OR6N1: variants seen among roughly 807,000 people sequenced by gnomAD.
OR6N1 encodes the protein olfactory receptor family 6 subfamily N member 1.
For missense variants in OR6N1, 394 were observed against 371.7 expected, an observed-to-expected ratio of 1.06 and a Z score of -0.49; for synonymous variants, 170 against 150.7, an observed-to-expected ratio of 1.13 and a Z score of -0.94.
the OR6N1 span, among the ~76,000 whole-genome samples, chr1:158,840,325 G>A: frequency 6.6e-6 from 1 of 152,076 alleles, no homozygotes; most frequent in Non-Finnish European, 1.5e-5. Context: ...AGTTCCGCAC[G>A]GCTGGGGAGT....
At chr1:158,778,453 G>T in the OR6N1 span, among the ~76,000 whole-genome samples, 3 of 152,288 alleles carry the variant, frequency 2.0e-5, no homozygotes, top group Admixed American at 6.5e-5. Context: ...GCATCGAGCA[G>T]CAAGCAGCTC....
chr1:158,767,612 A>T (rs1481984619), intron 1 of OR6N1, among the ~76,000 whole-genome samples: 4 of 152,254 alleles, frequency 2.6e-5, no homozygotes, highest in African/African-American at 4.8e-5. Flanking sequence ...ATTGTAATAC[A>T]GAGTATAGAG....
the OR6N1 span, among the ~76,000 whole-genome samples, chr1:158,787,637 ACAC>A: frequency 2.4e-5 from 2 of 84,674 alleles, no homozygotes; most frequent in Non-Finnish European, 5.0e-5. Context: ...TCTCTCTCTC[ACAC>A]ACACACACAC....
chr1:158,765,459 A>T lies in OR6N1; in HGVS notation c.*285T>A, dbSNP rs918242921. Reference sequence around the variant, plus strand: ...GTATAATAGGTAAGACACAGATTTTAAAAAAAACCTAAGTGTGATACATAA... The same window carrying T: ...GTATAATAGGTAAGACACAGATTTTTAAAAAAACCTAAGTGTGATACATAA... On this transcript the variant is annotated 3_prime_UTR_variant, in exon 2 of 2. Transcript: ENST00000641846. 10 of 281,772 alleles carry T rather than the reference A, an allele frequency of 3.5e-5. 1 individual carries two copies. Among genetic ancestry groups the T allele is most frequent in the South Asian group, 3.1e-4 (3 of 9,644 alleles). 17.5% of individuals were successfully genotyped at this position (281,772 alleles called of 1,614,324 possible).
At chr1:158,788,490 TTAGA>T in the OR6N1 span, among the ~76,000 whole-genome samples, 2 of 152,132 alleles carry the variant, frequency 1.3e-5, no homozygotes, top group Admixed American at 6.5e-5. Flanking sequence ...ATTTTATATA[TTAGA>T]TAGTATATCC....
In OR6N1 at chr1:158,765,603, T is replaced by C; in HGVS notation, c.*141A>G. ...GACAGTATGAAGGTCGCTATAACAC[T>C]GGAAGTCAGTCAGCACTTGCTGCAG... is the stretch of plus-strand genomic sequence containing the variant. On this transcript the variant is annotated 3_prime_UTR_variant, in exon 2 of 2. Transcript: ENST00000641846. 2.8e-6 allele frequency: 2 copies of C among 709,190 alleles called. 1 individual carries two copies. Among genetic ancestry groups the C allele is most frequent in the Middle Eastern group, 8.0e-4 (2 of 2,514 alleles). The allele number at this position is 709,190 out of a possible 1,614,324, so 43.9% of individuals were successfully genotyped here. A position where few individuals can be genotyped will look rare whatever the true frequency, so the allele number is the denominator to read the frequency against.
At chr1:158,792,990 T>C in the OR6N1 span, among the ~76,000 whole-genome samples, 103 of 152,306 alleles carry the variant, frequency 6.8e-4, no homozygotes, top group African/African-American at 2.4e-3. Context: ...TTCCTTTTTG[T>C]CTGATTGGGT....
chr1:158,770,840 G>T (rs937010370), intron 1 of OR6N1, among the ~76,000 whole-genome samples: 3 of 152,134 alleles, frequency 2.0e-5, no homozygotes, highest in African/African-American at 7.2e-5. Context: ...TACAGCACTG[G>T]AAGCTTCCTG....
the OR6N1 span, among the ~76,000 whole-genome samples, chr1:158,807,003 C>CAA: frequency 0.16 from 11,875 of 72,564 alleles, 1,107 homozygotes; most frequent in Admixed American, 0.22. Context: ...GACGTCATCT[C>CAA]AAAAAAAAAA....
the OR6N1 span, among the ~76,000 whole-genome samples, chr1:158,795,109 G>T: frequency 6.6e-6 from 1 of 152,210 alleles, no homozygotes; most frequent in African/African-American, 2.4e-5. Flanking sequence ...TTCCCTGGCT[G>T]CTGGGGTAAT....
rs999148885 is a variant in OR6N1 at position 158,764,416 on chromosome 1, C to T, written c.*1328G>A. ...ATTTATATTCTCAACTCTTTTAAAACACCCTAAAGGTAGGACCTGGACATA... is the reference window on the plus strand; with the variant it reads ...ATTTATATTCTCAACTCTTTTAAAATACCCTAAAGGTAGGACCTGGACATA... On this transcript the variant is annotated 3_prime_UTR_variant, in exon 2 of 2. Transcript: ENST00000641846. 1.6e-4 allele frequency: 25 copies of T among 151,646 alleles called. No individual in the cohort carries two copies. The highest frequency in any genetic ancestry group is 6.0e-4 in the African/African-American group (25 of 41,376). 9.4% of individuals were successfully genotyped at this position (151,646 alleles called of 1,614,324 possible).
the OR6N1 span, among the ~76,000 whole-genome samples, chr1:158,790,639 C>G: frequency 6.6e-6 from 1 of 152,106 alleles, no homozygotes; most frequent in Non-Finnish European, 1.5e-5. Flanking sequence ...CTCCTGACCT[C>G]GTGATCCACC....
upstream of OR6N1, chr1:158,776,750 C>T (rs1558035470): frequency 1.2e-6 from 2 of 1,613,848 alleles, no homozygotes; most frequent in African/African-American, 1.3e-5. Context: ...TTAATGATTT[C>T]CTTGTTACGA....
At chr1:158,789,648 C>A in the OR6N1 span, among the ~76,000 whole-genome samples, 3 of 152,084 alleles carry the variant, frequency 2.0e-5, no homozygotes, top group Admixed American at 6.5e-5. Context: ...TGAGAAATAT[C>A]CATTCAGATT....
chr1:158,780,530 G>GA, the OR6N1 span, among the ~76,000 whole-genome samples: 1 of 152,136 alleles, frequency 6.6e-6, no homozygotes, highest in African/African-American at 2.4e-5. Context: ...AAGATAAGCT[G>GA]AAAACGCATG....
the OR6N1 span, among the ~76,000 whole-genome samples, chr1:158,800,515 A>G: frequency 6.6e-6 from 1 of 152,216 alleles, no homozygotes; most frequent in Admixed American, 6.5e-5. Flanking sequence ...CTGAGGGTAT[A>G]TTGCCATAGA....
At chr1:158,808,597 C>T in the OR6N1 span, 3 of 152,956 alleles carry the variant, frequency 2.0e-5, no homozygotes, top group African/African-American at 7.2e-5. Context: ...AGAATAGTGC[C>T]ACCACAGTTA....
chr1:158,816,079 AC>A, the OR6N1 span, among the ~76,000 whole-genome samples: 2 of 150,148 alleles, frequency 1.3e-5, no homozygotes, highest in Non-Finnish European at 3.0e-5. Flanking sequence ...AATGGTGTGA[AC>A]CCAGGAGGTG....
chr1:158,787,651 A>T, the OR6N1 span, among the ~76,000 whole-genome samples: 1 of 151,128 alleles, frequency 6.6e-6, no homozygotes, highest in African/African-American at 2.4e-5. Context: ...ACACACACAC[A>T]CACACACACA....
Sources: allele counts gnomAD v4.1 joint callset (sites outside exome capture counted in the v4.1 genomes callset), GRCh38; gene constraint gnomAD v4.1.1; transcripts MANE v1.5; gene names NCBI Gene and HGNC (gene_info 2026-07-23, HGNC 2026-07-21).